The following KIRREL3 variants were observed in gnomAD, a reference collection of about 807,000 sequenced individuals.
KIRREL3 encodes kirre like nephrin family adhesion molecule 3.
In KIRREL3, 36 loss-of-function variants were observed where a neutral mutation model predicts 89.7. The observed-to-expected ratio is 0.40, with a 90% CI of 0.31 to 0.53. The LOEUF (loss-of-function observed/expected upper bound fraction) is 0.53. Among genes scored for constraint, KIRREL3 ranks in the 20% least tolerant of loss-of-function variants. KIRREL3 has a pLI of 0.49. For missense variants in KIRREL3, 864 were observed against 1,056.6 expected (o/e 0.82, Z 2.53); for synonymous variants, 445 against 441.4 (o/e 1.01, Z -0.10).
rs983380307 is a variant in KIRREL3 at position 126,519,221 on chromosome 11, G to A, written c.433+2094C>T. 2.0e-5 allele frequency among the ~76,000 whole-genome samples: 3 copies of A among 152,196 alleles called. No individual in the cohort carries two copies. The highest frequency in any genetic ancestry group is 4.4e-5 in the Non-Finnish European group (3 of 68,042). ...TTTAGACATGACCTAAGACAAAATC[G>A]GGTCTGTTCAGGTTGGATCCTGAGG... On this transcript the variant is annotated intron_variant, in intron 4 of 16. Transcript: ENST00000525144. This position sits in a 1 kb window ranked among gnomAD's most constrained non-coding sequence, Gnocchi z 4.3.
intron 1 of KIRREL3, among the ~76,000 whole-genome samples, chr11:126,979,832 A>C (rs1218940131): frequency 6.6e-6 from 1 of 152,218 alleles, no homozygotes; most frequent in African/African-American, 2.4e-5. Flanking sequence ...CAAGGGCTGG[A>C]CCAGAAGGAT....
intron 4 of KIRREL3, among the ~76,000 whole-genome samples, chr11:126,493,479 C>A (rs1957575388): frequency 2.0e-5 from 3 of 151,904 alleles, no homozygotes; most frequent in East Asian, 1.9e-4. Flanking sequence ...CACGGTGAAA[C>A]CCCACCTCTA....
chr11:126,456,908 T>TAC (rs1162793665), intron 6 of KIRREL3, among the ~76,000 whole-genome samples: 1 of 152,188 alleles, frequency 6.6e-6, no homozygotes, highest in Non-Finnish European at 1.5e-5. Context: ...AAGCGGCATT[T>TAC]ACACCCTTTC....
chr11:126,961,080 A>G lies in KIRREL3; in HGVS notation c.55+39375T>C, dbSNP rs140675284. Among the ~76,000 whole-genome samples, 780 of 152,258 alleles carry G rather than the reference A, an allele frequency of 5.1e-3. 6 individuals carry two copies. Among genetic ancestry groups the G allele is most frequent in the African/African-American group, 0.017 (707 of 41,550 alleles). On this transcript the variant is annotated intron_variant, in intron 1 of 16. Transcript: ENST00000525144. ...GTTCTGACTGCTCCCTCAACCAGCC[A>G]TTTCTCATCTTTCTCCCTTTCCTCA...
rs971988224 is a variant in KIRREL3, at chr11:126,677,688, G to T, written c.56-114776C>A. Among the ~76,000 whole-genome samples the T allele has an allele frequency of 6.6e-6, 1 of 152,140 alleles. No individual in the cohort carries two copies. Among genetic ancestry groups the T allele is most frequent in the African/African-American group, 2.4e-5 (1 of 41,428 alleles). ...AAGACAGAAAATCCACCAGCAGCTC[G>T]CACGAGTGGGTCCTCCCAGAATGAG... On this transcript the variant is annotated intron_variant, in intron 1 of 16. Coordinates refer to ENST00000525144, the MANE Select transcript of KIRREL3 (RefSeq NM_032531.4). The surrounding 1 kb of genome is among the most constrained non-coding windows in gnomAD (Gnocchi z 5.1).
At chr11:126,502,762 G>T (rs117645883) in intron 4 of KIRREL3, among the ~76,000 whole-genome samples, 1,761 of 152,314 alleles carry the variant, frequency 0.012, 16 homozygotes, top group Middle Eastern at 0.041. Context: ...ATCTCCAAAA[G>T]GTGATCTTTA....
At chr11:126,718,530 G>T (rs1227765222) in intron 1 of KIRREL3, among the ~76,000 whole-genome samples, 1 of 152,228 alleles carries the variant, frequency 6.6e-6, no homozygotes, top group African/African-American at 2.4e-5. Flanking sequence ...ATTAGCAGCA[G>T]AAGGGCCATC....
chr11:126,896,218 G>C lies in KIRREL3; in HGVS notation c.55+104237C>G, dbSNP rs58232870. 6.6e-6 allele frequency among the ~76,000 whole-genome samples: 1 copy of C among 152,216 alleles called. No homozygotes were observed. The highest frequency in any genetic ancestry group is 2.4e-5 in the African/African-American group (1 of 41,440). ...GAAGTCATTCTCCAGGACTCTGTGA[G>C]TTCTCTAATCCACTGCTAGGCAGTA... On this transcript the variant is annotated intron_variant, in intron 1 of 16. Coordinates refer to ENST00000525144, the MANE Select transcript of KIRREL3 (RefSeq NM_032531.4). The surrounding 1 kb of genome is among the most constrained non-coding windows in gnomAD (Gnocchi z 4.1).
At chr11:126,950,047 A>C (rs1343136265) in intron 1 of KIRREL3, among the ~76,000 whole-genome samples, 1 of 152,184 alleles carries the variant, frequency 6.6e-6, no homozygotes, top group African/African-American at 2.4e-5. Flanking sequence ...TTTAAATGGA[A>C]ACCTAAGCAT....
At chr11:126,964,560 C>T (rs570290484) in intron 1 of KIRREL3, among the ~76,000 whole-genome samples, 1 of 152,256 alleles carries the variant, frequency 6.6e-6, no homozygotes, top group South Asian at 2.1e-4. Flanking sequence ...ATAATCTCTC[C>T]TCAGCATTTC....
rs1343710306 is a variant in KIRREL3, at chr11:126,684,832, T to C, written c.56-121920A>G. ...TGCGTGTGCGGGAGGGGAGAGGTAGTGTTGGCTTGGACCACAGCGGGAGGG... is the reference window on the plus strand; with the variant it reads ...TGCGTGTGCGGGAGGGGAGAGGTAGCGTTGGCTTGGACCACAGCGGGAGGG... On this transcript the variant is annotated intron_variant, in intron 1 of 16. Coordinates refer to ENST00000525144, the MANE Select transcript of KIRREL3 (RefSeq NM_032531.4). This position sits in a 1 kb window ranked among gnomAD's most constrained non-coding sequence, Gnocchi z 4.2. 6.6e-6 allele frequency among the ~76,000 whole-genome samples: 1 copy of C among 152,072 alleles called. No homozygotes were observed. Among genetic ancestry groups the C allele is most frequent in the Non-Finnish European group, 1.5e-5 (1 of 68,000 alleles).
rs1463542904 is a variant in KIRREL3 at position 126,456,330 on chromosome 11, C to T, written c.848+19G>A. ...GGGGGCCAGTGGCCAGGCCGGGCCC[C>T]CTCAGCAGTGACTCTCACCTGTACT... On this transcript the variant is annotated intron_variant, in intron 7 of 16. Coordinates refer to ENST00000525144, the MANE Select transcript of KIRREL3 (RefSeq NM_032531.4). 2 of 1,541,916 alleles carry T rather than the reference C, an allele frequency of 1.3e-6. No individual in the cohort carries two copies. The highest frequency in any genetic ancestry group is 1.7e-4 in the Middle Eastern group (1 of 5,914).
At position 126,622,141 on chromosome 11, in the gene KIRREL3, AT is replaced by A. The variant is rs1394588192; in HGVS notation, c.56-59230del. On this transcript the variant is annotated intron_variant, in intron 1 of 16. Coordinates refer to ENST00000525144, the MANE Select transcript of KIRREL3 (RefSeq NM_032531.4). This position sits in a 1 kb window ranked among gnomAD's most constrained non-coding sequence, Gnocchi z 5.2. The stretch of plus-strand genomic sequence containing the variant: ...TTTTGCTATCCTTGCCTCTCTTGGG[AT>A]TTGTGGCTCACACTGCATTTACAAG... Among the ~76,000 whole-genome samples, 1 of 152,102 alleles carries A rather than the reference AT, an allele frequency of 6.6e-6. No homozygotes were observed. Among genetic ancestry groups the A allele is most frequent in the East Asian group, 1.9e-4 (1 of 5,192 alleles).
intron 1 of KIRREL3, among the ~76,000 whole-genome samples, chr11:126,590,364 A>T (rs1942078580): frequency 6.6e-6 from 1 of 152,204 alleles, no homozygotes; most frequent in Admixed American, 6.5e-5. Flanking sequence ...CAGCTCCCAG[A>T]GTCGACTCCT....
rs1591748923 is a variant in KIRREL3, at chr11:126,566,094, T to C, written c.56-3182A>G. Among the ~76,000 whole-genome samples, 1 of 152,124 alleles carries C rather than the reference T, an allele frequency of 6.6e-6. No individual in the cohort carries two copies. Among genetic ancestry groups the C allele is most frequent in the East Asian group, 1.9e-4 (1 of 5,170 alleles). The stretch of plus-strand genomic sequence containing the variant: ...GGCTTTGGGGGTGCTGTCTTTGGCT[T>C]TATCAGTAGCAGAAACACCCAGATA... On this transcript the variant is annotated intron_variant, in intron 1 of 16. Transcript: ENST00000525144. The surrounding 1 kb of genome is among the most constrained non-coding windows in gnomAD (Gnocchi z 4.9).
rs1301913948 is a variant in KIRREL3 at position 126,496,305 on chromosome 11, C to T, written c.434-22839G>A. On this transcript the variant is annotated intron_variant, in intron 4 of 16. Coordinates refer to ENST00000525144, the MANE Select transcript of KIRREL3 (RefSeq NM_032531.4). The surrounding 1 kb of genome is among the most constrained non-coding windows in gnomAD (Gnocchi z 4.9). ...GCTTTCTATACACGTTCATCTTTCTCTTTACCAGAACCCTGAACACTGGTA... is the reference window on the plus strand; with the variant it reads ...GCTTTCTATACACGTTCATCTTTCTTTTTACCAGAACCCTGAACACTGGTA... Among the ~76,000 whole-genome samples, 1 of 152,216 alleles carries T rather than the reference C, an allele frequency of 6.6e-6. No homozygotes were observed. Among genetic ancestry groups the T allele is most frequent in the African/African-American group, 2.4e-5 (1 of 41,460 alleles).
intron 1 of KIRREL3, among the ~76,000 whole-genome samples, chr11:126,737,063 G>A (rs564462953): frequency 9.9e-5 from 15 of 152,216 alleles, no homozygotes; most frequent in East Asian, 3.8e-4. Context: ...AATTTGCTCC[G>A]GTTGATAATT....
intron 4 of KIRREL3, among the ~76,000 whole-genome samples, chr11:126,480,245 C>T (rs1161457584): frequency 6.6e-6 from 1 of 152,188 alleles, no homozygotes; most frequent in African/African-American, 2.4e-5. Context: ...ATAAAAATAC[C>T]TATCTTGCAG....
chr11:126,661,758 T>A (rs985104865), intron 1 of KIRREL3, among the ~76,000 whole-genome samples: 4 of 152,302 alleles, frequency 2.6e-5, no homozygotes, highest in African/African-American at 9.6e-5. Context: ...CCCCAGAGAT[T>A]CTGATTTAAT....
Sources: allele counts gnomAD v4.1 joint callset (sites outside exome capture counted in the v4.1 genomes callset), GRCh38; gene constraint gnomAD v4.1.1; non-coding constraint Gnocchi (gnomAD v3.1); transcripts MANE v1.5; gene names NCBI Gene and HGNC (gene_info 2026-07-23, HGNC 2026-07-21).